TBC1D31: variants seen among roughly 807,000 people sequenced by gnomAD.
TBC1D31 encodes TBC1 domain family member 31.
Under a neutral mutation model 132.9 loss-of-function variants are expected in TBC1D31, and 99 were observed. The ratio of observed to expected loss-of-function variants is 0.74; its 90% confidence interval spans 0.63 to 0.88. The LOEUF is 0.88. Among genes scored for constraint, TBC1D31 ranks in the 40% least tolerant of loss-of-function variants. The pLI, the probability that TBC1D31 is intolerant of heterozygous loss-of-function variation, is 0.00. For synonymous variants in TBC1D31, 385 were observed against 419.4 expected, an observed-to-expected ratio of 0.92 and a Z score of 1.00; for missense variants, 1,134 against 1,256.6, an observed-to-expected ratio of 0.90 and a Z score of 1.48.
the TBC1D31 span, among the ~76,000 whole-genome samples, chr8:123,162,222 C>A: frequency 3.3e-5 from 5 of 151,872 alleles, no homozygotes; most frequent in African/African-American, 1.2e-4. Flanking sequence ...TGTTTGAATG[C>A]GTTCATTGAT....
intron 17 of TBC1D31, among the ~76,000 whole-genome samples, chr8:123,137,175 C>T (rs1436493692): frequency 6.6e-6 from 1 of 152,214 alleles, no homozygotes; most frequent in Non-Finnish European, 1.5e-5. Context: ...CTAACCTGTA[C>T]TCCAGATCCC....
chr8:123,102,747 G>A (rs190261376), intron 7 of TBC1D31: 1 of 155,388 alleles, frequency 6.4e-6, no homozygotes, highest in East Asian at 1.9e-4. Context: ...GCAACACTCT[G>A]TCTTCTTATT....
At chr8:123,122,050 T>C (rs1819553217) in intron 11 of TBC1D31, among the ~76,000 whole-genome samples, 1 of 152,208 alleles carries the variant, frequency 6.6e-6, no homozygotes, top group African/African-American at 2.4e-5. Context: ...TACATGTTAA[T>C]GAGGATGTGG....
At chr8:123,098,441 A>G (rs751727048) in intron 6 of TBC1D31, among the ~76,000 whole-genome samples, 2 of 152,178 alleles carry the variant, frequency 1.3e-5, no homozygotes, top group Non-Finnish European at 2.9e-5. Flanking sequence ...AGCTGGCACT[A>G]CAGGCATGAA....
chr8:123,140,969 C>A, intron 18 of TBC1D31, 68 bp downstream of exon 18: 2 of 1,436,646 alleles, frequency 1.4e-6, no homozygotes, highest in Non-Finnish European at 1.9e-6. Flanking sequence ...CTTAAGAGAA[C>A]AAAATCGAAA....
rs547110286 is a variant in TBC1D31 at position 123,136,606 on chromosome 8, G to T, written c.2499+2400G>T. 3.7e-4 allele frequency among the ~76,000 whole-genome samples: 56 copies of T among 151,954 alleles called. No individual in the cohort carries two copies. The South Asian group carries it at 0.011, about 31-fold the overall frequency. ...GCTGGGATTACAGGTGCCCACCACC[G>T]CACCTGGCTAATTTTTGTATTTTTA... is the stretch of plus-strand genomic sequence containing the variant. On this transcript the variant is annotated intron_variant, in intron 17 of 21. Coordinates refer to ENST00000287380, the MANE Select transcript of TBC1D31 (RefSeq NM_145647.4).
chr8:123,134,274 A>G, intron 17 of TBC1D31, 68 bp downstream of exon 17: 1 of 1,227,164 alleles, frequency 8.1e-7, no homozygotes. Flanking sequence ...CAAACCTGTA[A>G]TCCCAGCACT....
At chr8:123,101,184 G>C (rs565430415) in intron 7 of TBC1D31, 177 bp downstream of exon 7, 582 of 513,232 alleles carry the variant, frequency 1.1e-3, no homozygotes, top group Middle Eastern at 2.1e-3. Flanking sequence ...TCTCACGTAT[G>C]CTCCATTCTT....
At chr8:123,073,591 A>G (rs1243420146) in intron 1 of TBC1D31, among the ~76,000 whole-genome samples, 1 of 152,094 alleles carries the variant, frequency 6.6e-6, no homozygotes, top group African/African-American at 2.4e-5. Context: ...TTGGATTTCG[A>G]TTTCTGCACG....
chr8:123,157,171 T>C, the TBC1D31 span, among the ~76,000 whole-genome samples: 21 of 152,180 alleles, frequency 1.4e-4, no homozygotes, highest in African/African-American at 5.1e-4. Context: ...CCCCGGACTT[T>C]GACAAGCAAA....
Position 123,097,445 on chromosome 8 carries a change from A to T in TBC1D31, c.831+4A>T. The stretch of plus-strand genomic sequence containing the variant: ...TTTTGATGCTGGTTCTAATCAGGTT[A>T]GTAACATAAATGTAGGGCACTGTAC... On this transcript the variant is annotated splice_donor_region_variant and intron_variant, in intron 6 of 21. Transcript: ENST00000287380. 2 of 1,614,066 alleles carry T rather than the reference A, an allele frequency of 1.2e-6. 1 individual carries two copies. Among genetic ancestry groups the T allele is most frequent in the South Asian group, 2.2e-5 (2 of 91,066 alleles).
chr8:123,082,677 T>TA (rs764683859), intron 2 of TBC1D31, 25 bp from the exon 3 acceptor site: 2 of 1,470,178 alleles, frequency 1.4e-6, no homozygotes, highest in Non-Finnish European at 1.9e-6. Flanking sequence ...GAATTTGTGA[T>TA]ACTAATGCAA....
At position 123,105,399 on chromosome 8, in the gene TBC1D31, A is replaced by G. The variant is rs1389075983; in HGVS notation, c.1144A>G (p.Arg382Gly). ...GAGAGTACAGCAGCCAGCAAAATCT[A>G]GGGAAAGCAAAATGCAAACTAGAAT... ...SGRVQQPAKS[R>G]ESKMQTRILK... The change falls in exon 8 of 22, where the codon AGG becomes GGG. Residue 382 changes from arginine (R) to glycine (G), a missense_variant. Coordinates refer to ENST00000287380, the MANE Select transcript of TBC1D31 (RefSeq NM_145647.4). The G allele has an allele frequency of 2.5e-6, 4 of 1,613,314 alleles. No homozygotes were observed. Among genetic ancestry groups the G allele is most frequent in the Non-Finnish European group, 3.4e-6 (4 of 1,179,710 alleles).
intron 10 of TBC1D31, among the ~76,000 whole-genome samples, chr8:123,110,115 A>G (rs781531677): frequency 6.6e-6 from 1 of 152,176 alleles, no homozygotes; most frequent in Non-Finnish European, 1.5e-5. Context: ...ACAGAGGCAT[A>G]GTGGAAAGAG....
intron 11 of TBC1D31, among the ~76,000 whole-genome samples, chr8:123,125,591 TTTA>T (rs370915650): frequency 6.6e-6 from 1 of 152,350 alleles, no homozygotes; most frequent in African/African-American, 2.4e-5. Flanking sequence ...CACATTTGTT[TTTA>T]TATATTGCTG....
intron 20 of TBC1D31, among the ~76,000 whole-genome samples, chr8:123,149,431 G>A (rs558832629): frequency 7.2e-5 from 11 of 152,254 alleles, no homozygotes; most frequent in African/African-American, 2.6e-4. Context: ...AGAAAGGAAG[G>A]GACCATTATA....
chr8:123,124,731 C>A (rs186331717), intron 11 of TBC1D31, among the ~76,000 whole-genome samples: 1 of 147,688 alleles, frequency 6.8e-6, no homozygotes, highest in Admixed American at 6.8e-5. Context: ...GGTTCGAGAC[C>A]AAACTGGCCA....
intron 18 of TBC1D31, 89 bp downstream of exon 18, chr8:123,140,990 T>C (rs1586728532): frequency 8.2e-7 from 1 of 1,226,482 alleles, no homozygotes; most frequent in African/African-American, 1.5e-5. Context: ...TTAAACTCTG[T>C]GAAGTTGAGT....
Position 123,084,264 on chromosome 8 carries a change from C to A in TBC1D31, c.443C>A (p.Thr148Lys), listed in dbSNP as rs778380388. 2.5e-6 allele frequency: 4 copies of A among 1,614,028 alleles called. No homozygotes were observed. In the African/African-American group the frequency reaches 5.3e-5, roughly 22 times the overall value. The change falls in exon 4 of 22, where the codon ACA (threonine) becomes AAA (lysine). Residue 148 changes from threonine (T) to lysine (K), a missense_variant. By Grantham distance (78) the Thr-to-Lys change is moderately conservative. Coordinates refer to ENST00000287380, the MANE Select transcript of TBC1D31 (RefSeq NM_145647.4). The part of the protein sequence containing the change: ...GKYAITTSSD[T>K]AQLWDLDTFQ... ...TATGCCATCACAACTTCTTCTGATACAGCACAATTATGGGACTTGGATACC... is the reference window on the plus strand; with the variant it reads ...TATGCCATCACAACTTCTTCTGATAAAGCACAATTATGGGACTTGGATACC...
Sources: gnomAD v4.1 joint callset for allele counts (sites outside exome capture counted in the v4.1 genomes callset) on GRCh38, gnomAD v4.1.1 for gene constraint, MANE v1.5 for transcripts, NCBI Gene and HGNC (gene_info 2026-07-23, HGNC 2026-07-21) for gene names.